The following APBA2 variants were observed in gnomAD, a reference collection of about 807,000 sequenced individuals.
The protein encoded by APBA2 is amyloid beta precursor protein binding family A member 2.
In APBA2, 30 loss-of-function variants were observed where a neutral mutation model predicts 75.0. The ratio of observed to expected loss-of-function variants is 0.40; its 90% CI spans 0.30 to 0.54. APBA2 has a LOEUF of 0.54. APBA2 is among the 20% of genes least tolerant of loss of function. The probability of loss-of-function intolerance (pLI) is 0.49; values close to 1 mark genes in which losing one functional copy is unlikely to be tolerated. For synonymous variants in APBA2, 444 were observed against 409.6 expected (o/e 1.08, Z -1.01); for missense variants, 801 against 1,016.1 (o/e 0.79, Z 2.88).
intron 8 of APBA2, among the ~76,000 whole-genome samples, chr15:29,097,197 A>G (rs2043889720): frequency 6.6e-6 from 1 of 152,260 alleles, no homozygotes; most frequent in Non-Finnish European, 1.5e-5. Flanking sequence ...CTTCTCTGAC[A>G]ATGTCTTCCC....
rs56757806 is a variant in APBA2, at chr15:28,991,481, G to A, written c.-94-4272G>A. Among the ~76,000 whole-genome samples, 19,656 of 152,212 alleles carry A rather than the reference G, an allele frequency of 0.13. 3,918 individuals are homozygous for A. Among genetic ancestry groups the A allele is most frequent in the African/African-American group, 0.43 (17,762 of 41,492 alleles). On this transcript the variant is annotated intron_variant, in intron 2 of 14. Transcript: ENST00000683413. This position sits in a 1 kb window ranked among gnomAD's most constrained non-coding sequence, Gnocchi z 4.7. ...AGGTGTTGAGCTCTGCCAGCTGCCC[G>A]GCCCCACTGTGAGGCCGCCCCTTGC...
At chr15:28,959,109 C>G (rs1003268232) in intron 2 of APBA2, among the ~76,000 whole-genome samples, 1 of 152,160 alleles carries the variant, frequency 6.6e-6, no homozygotes, top group Non-Finnish European at 1.5e-5. Context: ...CTGCCTCAGT[C>G]TCCCGAGTAG....
At chr15:29,091,594 C>T (rs553545725) in intron 6 of APBA2, among the ~76,000 whole-genome samples, 2 of 152,324 alleles carry the variant, frequency 1.3e-5, no homozygotes, top group East Asian at 1.9e-4. Context: ...CTCATTTGCC[C>T]TCTTGGGCAG....
At chr15:28,969,914 G>C (rs1240027853) in intron 2 of APBA2, among the ~76,000 whole-genome samples, 1 of 152,254 alleles carries the variant, frequency 6.6e-6, no homozygotes, top group African/African-American at 2.4e-5. Flanking sequence ...CTGCTCACAG[G>C]CCAGGCCGGG....
chr15:29,023,905 ATT>A (rs200312116), intron 3 of APBA2, among the ~76,000 whole-genome samples: 48,341 of 133,782 alleles, frequency 0.36, 13,020 homozygotes, highest in African/African-American at 0.75. Flanking sequence ...CTTTTTGTCG[ATT>A]TTTTTTTTTT....
chr15:29,025,404 T>G (rs2040166147), intron 3 of APBA2, among the ~76,000 whole-genome samples: 2 of 152,050 alleles, frequency 1.3e-5, no homozygotes, highest in East Asian at 3.9e-4. Flanking sequence ...CAGCTGGGAC[T>G]ACAGGCACGT....
intron 1 of APBA2, among the ~76,000 whole-genome samples, chr15:28,907,837 G>A (rs1186190695): frequency 6.7e-6 from 1 of 148,278 alleles, no homozygotes; most frequent in Non-Finnish European, 1.5e-5. Flanking sequence ...CCTTTCCCCA[G>A]GGGAGTGGCT....
At chr15:29,026,202 A>T (rs1157701882) in intron 3 of APBA2, among the ~76,000 whole-genome samples, 1 of 152,162 alleles carries the variant, frequency 6.6e-6, no homozygotes. Flanking sequence ...CAGGGGCTCA[A>T]ATGTTCCTCA....
At chr15:29,093,677 C>A (rs1003954598) in intron 7 of APBA2, among the ~76,000 whole-genome samples, 1 of 152,030 alleles carries the variant, frequency 6.6e-6, no homozygotes, top group Admixed American at 6.5e-5. Flanking sequence ...CGGGTGAGGC[C>A]GGGCAAGGGG....
intron 6 of APBA2, among the ~76,000 whole-genome samples, chr15:29,088,381 C>T (rs1396877013): frequency 2.0e-5 from 3 of 152,190 alleles, no homozygotes; most frequent in Non-Finnish European, 4.4e-5. Flanking sequence ...CAGCCGCCTA[C>T]TGAGCATCCA....
chr15:29,074,059 C>T (rs2042740486), intron 4 of APBA2, among the ~76,000 whole-genome samples: 1 of 151,984 alleles, frequency 6.6e-6, no homozygotes. Context: ...GTAAATAGTA[C>T]TACTGCTGTG....
chr15:28,999,263 T>C (rs1010292632), intron 3 of APBA2, among the ~76,000 whole-genome samples: 2 of 152,136 alleles, frequency 1.3e-5, no homozygotes, highest in Admixed American at 6.5e-5. Context: ...AAAGAAAAGA[T>C]GGATTAATCA....
intron 3 of APBA2, among the ~76,000 whole-genome samples, chr15:29,053,619 C>T (rs942661160): frequency 1.3e-5 from 2 of 152,102 alleles, no homozygotes; most frequent in African/African-American, 2.4e-5. Context: ...CGGTGCCTCC[C>T]TTGACTGCTT....
chr15:29,017,057 G>T (rs1320046686), intron 3 of APBA2, among the ~76,000 whole-genome samples: 1 of 152,090 alleles, frequency 6.6e-6, no homozygotes, highest in East Asian at 1.9e-4. Context: ...AGGAGGGTTG[G>T]GTCCCGGGTA....
chr15:28,989,888 C>A (rs1168177113), intron 2 of APBA2, among the ~76,000 whole-genome samples: 1 of 152,170 alleles, frequency 6.6e-6, no homozygotes, highest in Non-Finnish European at 1.5e-5. Flanking sequence ...GTCTTGGCAC[C>A]AAGTTCCAGT....
At position 29,114,783 on chromosome 15, in the gene APBA2, TGGA is replaced by T. The variant is rs1381992792; in HGVS notation, c.2178+772_2178+774del. ...GTGTGAATGTACCTGAGTGTGCGTG[TGGA>T]GGAGTGTGTGTGTGTGGGTGAGTGT... is the stretch of plus-strand genomic sequence containing the variant. On this transcript the variant is annotated intron_variant, in intron 14 of 14. Coordinates refer to ENST00000683413, the MANE Select transcript of APBA2 (RefSeq NM_001353788.2). Among the ~76,000 whole-genome samples, 5 of 88,790 alleles carry T rather than the reference TGGA, an allele frequency of 5.6e-5. No homozygotes were observed. In the East Asian group the frequency reaches 8.7e-4, roughly 15 times the overall value. The allele number at this position is 88,790 out of a possible 152,430, so 58.2% of individuals were successfully genotyped here. A position where few individuals can be genotyped will look rare whatever the true frequency, so the allele number is the denominator to read the frequency against.
At chr15:29,031,446 C>G (rs575511497) in intron 3 of APBA2, among the ~76,000 whole-genome samples, 1 of 152,218 alleles carries the variant, frequency 6.6e-6, no homozygotes, top group East Asian at 1.9e-4. Flanking sequence ...GTTGTGTGCC[C>G]CTGGGGTCTC....
chr15:28,902,484 CG>C (rs2032921409), intron 1 of APBA2, among the ~76,000 whole-genome samples: 3 of 152,252 alleles, frequency 2.0e-5, no homozygotes, highest in South Asian at 4.1e-4. Context: ...TGAGGAGACG[CG>C]ACAGCTGAAC....
rs200400143 is a variant in APBA2 at position 28,941,197 on chromosome 15, C to G, written c.-95+19448C>G. Among the ~76,000 whole-genome samples the G allele has an allele frequency of 3.9e-5, 6 of 152,134 alleles. No homozygotes were observed. In the East Asian group the frequency reaches 1.2e-3, roughly 29 times the overall value. On this transcript the variant is annotated intron_variant, in intron 2 of 14. Transcript: ENST00000683413. ...TGAGCAGGTGGCAGGTTGGGAGGTT[C>G]CATGTATAGAGGATGGAACCTCTGT...
Sources: allele counts gnomAD v4.1 joint callset (sites outside exome capture counted in the v4.1 genomes callset), GRCh38; gene constraint gnomAD v4.1.1; non-coding constraint Gnocchi (gnomAD v3.1); transcripts MANE v1.5; gene names NCBI Gene and HGNC (gene_info 2026-07-23, HGNC 2026-07-21).